GALNT13: variants seen among roughly 807,000 people sequenced by gnomAD.
The protein encoded by GALNT13 is polypeptide N-acetylgalactosaminyltransferase 13.
A neutral mutation model predicts 64.2 loss-of-function variants in GALNT13; 28 were observed. That is an observed-to-expected ratio of 0.44 (90% CI 0.32 to 0.60). The LOEUF is 0.60. GALNT13 is among the 20% of genes least tolerant of loss of function. GALNT13 has a pLI of 0.05. For synonymous variants in GALNT13, 214 were observed against 224.6 expected (o/e 0.95, Z 0.42); for missense variants, 577 against 669.8 (o/e 0.86, Z 1.53).
chr2:153,875,391 T>A (rs12468148), intron 1 of GALNT13, among the ~76,000 whole-genome samples: 1 of 152,210 alleles, frequency 6.6e-6, no homozygotes, highest in Admixed American at 6.5e-5. Context: ...AAAGACATAA[T>A]GAAGGTGGAA....
chr2:153,568,672 G>A, the GALNT13 span, among the ~76,000 whole-genome samples: 1 of 152,152 alleles, frequency 6.6e-6, no homozygotes, highest in Admixed American at 6.5e-5. Flanking sequence ...TATCACAAGT[G>A]TACAGCTCAA....
the GALNT13 span, among the ~76,000 whole-genome samples, chr2:153,118,145 A>ACACACCCC: frequency 6.8e-6 from 1 of 147,360 alleles, no homozygotes; most frequent in African/African-American, 2.5e-5. Context: ...ACACACACAC[A>ACACACCCC]CCCCACATAA....
chr2:154,385,757 A>G (rs1333352509), intron 9 of GALNT13, among the ~76,000 whole-genome samples: 1 of 152,010 alleles, frequency 6.6e-6, no homozygotes, highest in African/African-American at 2.4e-5. Context: ...GGAGGGATAG[A>G]TGAGTGTCCT....
At chr2:154,274,390 T>C (rs2105927803) in intron 8 of GALNT13, among the ~76,000 whole-genome samples, 1 of 152,322 alleles carries the variant, frequency 6.6e-6, no homozygotes, top group South Asian at 2.1e-4. Context: ...ATCTGTGTAC[T>C]CTCAGTTTAC....
the GALNT13 span, among the ~76,000 whole-genome samples, chr2:153,302,451 T>C: frequency 6.6e-6 from 1 of 152,198 alleles, no homozygotes; most frequent in Non-Finnish European, 1.5e-5. Context: ...TTTCCTTATA[T>C]ATTTTGGATA....
At chr2:154,007,335 C>G (rs1171110449) in intron 3 of GALNT13, among the ~76,000 whole-genome samples, 3 of 152,036 alleles carry the variant, frequency 2.0e-5, no homozygotes, top group Non-Finnish European at 4.4e-5. Context: ...GGAGCAAGGC[C>G]TGGCCAACAC....
chr2:154,128,471 A>G (rs772357131), intron 3 of GALNT13, among the ~76,000 whole-genome samples: 1 of 152,092 alleles, frequency 6.6e-6, no homozygotes, highest in Non-Finnish European at 1.5e-5. Context: ...TATTAGTATT[A>G]ACTAACAGAA....
chr2:153,978,271 T>A (rs1455911503), intron 3 of GALNT13, among the ~76,000 whole-genome samples: 1 of 152,164 alleles, frequency 6.6e-6, no homozygotes, highest in East Asian at 1.9e-4. Context: ...GGACAGAAAA[T>A]TGAAGAGGTT....
At chr2:154,223,361 G>C (rs1007913263) in intron 4 of GALNT13, among the ~76,000 whole-genome samples, 1 of 151,266 alleles carries the variant, frequency 6.6e-6, no homozygotes, top group Admixed American at 6.6e-5. Flanking sequence ...GAGTGATTAA[G>C]TTCACTATTA....
At chr2:153,321,177 G>T in the GALNT13 span, among the ~76,000 whole-genome samples, 1 of 152,174 alleles carries the variant, frequency 6.6e-6, no homozygotes, top group African/African-American at 2.4e-5. Flanking sequence ...TTTTAAAGTG[G>T]TTGTCTTTAC....
the GALNT13 span, among the ~76,000 whole-genome samples, chr2:153,690,999 T>C: frequency 1.3e-5 from 2 of 152,202 alleles, no homozygotes; most frequent in East Asian, 3.9e-4. Context: ...AGAAAATGGG[T>C]AGACCAGACT....
intron 3 of GALNT13, among the ~76,000 whole-genome samples, chr2:154,121,004 T>C (rs538705292): frequency 6.6e-6 from 1 of 152,296 alleles, no homozygotes; most frequent in African/African-American, 2.4e-5. Context: ...GTTGGAATTC[T>C]AGGGAAGCTG....
chr2:153,348,614 A>G, the GALNT13 span, among the ~76,000 whole-genome samples: 2 of 152,340 alleles, frequency 1.3e-5, no homozygotes, highest in African/African-American at 4.8e-5. Context: ...AGAAAATAAT[A>G]TATTTTGGAA....
the GALNT13 span, among the ~76,000 whole-genome samples, chr2:153,222,799 G>A: frequency 6.6e-6 from 1 of 152,230 alleles, no homozygotes; most frequent in Non-Finnish European, 1.5e-5. Context: ...TCTGCCTGAA[G>A]TGGGTGCTGG....
the GALNT13 span, among the ~76,000 whole-genome samples, chr2:153,797,248 A>C: frequency 6.6e-6 from 1 of 152,210 alleles, no homozygotes; most frequent in South Asian, 2.1e-4. Flanking sequence ...ACTCAGTTTC[A>C]ATCTGAAAGA....
chr2:153,386,950 G>A, the GALNT13 span, among the ~76,000 whole-genome samples: 3 of 152,146 alleles, frequency 2.0e-5, no homozygotes, highest in Admixed American at 2.0e-4. Context: ...GCTTTGTAGT[G>A]CTACTAAACT....
At chr2:154,250,644 T>C (rs2105886711) in intron 7 of GALNT13, among the ~76,000 whole-genome samples, 1 of 152,100 alleles carries the variant, frequency 6.6e-6, no homozygotes, top group East Asian at 1.9e-4. Flanking sequence ...TTTCACTAAG[T>C]ATAATAAATT....
chr2:153,316,639 C>CAAAAAAAAAAAAAAAAAAAAAAAAAAA, the GALNT13 span, among the ~76,000 whole-genome samples: 1 of 69,856 alleles, frequency 1.4e-5, no homozygotes. Context: ...GACTCCGTCT[C>CAAAAAAAAAAAAAAAAAAAAAAAAAAA]AAAAAAAAAA....
the GALNT13 span, among the ~76,000 whole-genome samples, chr2:153,670,175 C>A: frequency 1.3e-5 from 2 of 152,150 alleles, no homozygotes; most frequent in Non-Finnish European, 2.9e-5. Context: ...GCCTGACAGC[C>A]CTGAAGAGAG....
Sources: gnomAD v4.1 joint callset for allele counts (sites outside exome capture counted in the v4.1 genomes callset) on GRCh38, gnomAD v4.1.1 for gene constraint, MANE v1.5 for transcripts, NCBI Gene and HGNC (gene_info 2026-07-23, HGNC 2026-07-21) for gene names.